The following EDDM13 variants were observed in gnomAD, a reference collection of about 807,000 sequenced individuals.
EDDM13 encodes the protein epididymal protein 13.
Under a neutral mutation model 17.8 loss-of-function variants are expected in EDDM13, and 24 were observed. The ratio of observed to expected loss-of-function variants is 1.35; its 90% CI spans 0.98 to 1.90. EDDM13 has a LOEUF of 1.90. Ranked by LOEUF, EDDM13 falls within the 40% of genes most tolerant of loss-of-function variation. The pLI is 0.00. For synonymous variants in EDDM13, 31 were observed against 37.5 expected, an observed-to-expected ratio of 0.83 and a Z score of 0.63; for missense variants, 97 against 100.8, an observed-to-expected ratio of 0.96 and a Z score of 0.16.
chr19:56,289,335 T>C (rs1386382566), intron 8 of EDDM13, among the ~76,000 whole-genome samples: 1 of 152,152 alleles, frequency 6.6e-6, no homozygotes, highest in African/African-American at 2.4e-5. Flanking sequence ...CCCCATTCAT[T>C]CCTCCAAAGG....
At position 56,284,190 on chromosome 19, in the gene EDDM13, G is replaced by T; in HGVS notation, c.119-8G>T. The T allele has an allele frequency of 1.0e-6, 1 of 985,288 alleles. No homozygotes were observed. Among genetic ancestry groups the T allele is most frequent in the Non-Finnish European group, 1.2e-6 (1 of 829,856 alleles). The allele number at this position is 985,288 out of a possible 1,614,324, so 61.0% of individuals were successfully genotyped here. On this transcript the variant is annotated splice_polypyrimidine_tract_variant and splice_region_variant and intron_variant, in intron 4 of 14. Coordinates refer to ENST00000649256, the MANE Select transcript of EDDM13 (RefSeq NM_001354658.2). ...CCATGCTGACTCTCCTGGATGGGCT[G>T]CCATCAGGGATCATAGGTAAGTACC...
intron 2 of EDDM13, among the ~76,000 whole-genome samples, chr19:56,278,481 G>C (rs1432445696): frequency 3.3e-5 from 5 of 152,218 alleles, no homozygotes; most frequent in Non-Finnish European, 5.9e-5. Context: ...ATCTCACACA[G>C]ATAAGGAGTT....
chr19:56,301,273 G>A (rs555595653), intron 12 of EDDM13, among the ~76,000 whole-genome samples: 1 of 152,250 alleles, frequency 6.6e-6, no homozygotes, highest in South Asian at 2.1e-4. Flanking sequence ...AACAAGGGGT[G>A]GATTATTTAT....
intron 14 of EDDM13, among the ~76,000 whole-genome samples, chr19:56,309,416 T>C (rs1165968570): frequency 6.6e-6 from 1 of 152,238 alleles, no homozygotes; most frequent in Non-Finnish European, 1.5e-5. Flanking sequence ...GGCCACTAAA[T>C]TGTGCCCTTT....
At chr19:56,281,753 AGAAG>A in intron 3 of EDDM13, 55 bp downstream of exon 3, 4 of 971,970 alleles carry the variant, frequency 4.1e-6, no homozygotes, top group Non-Finnish European at 4.9e-6. Flanking sequence ...TTCAACCTAG[AGAAG>A]GAAGGGAATG....
At chr19:56,286,847 A>C (rs1203652557) in intron 6 of EDDM13, among the ~76,000 whole-genome samples, 2 of 152,244 alleles carry the variant, frequency 1.3e-5, no homozygotes, top group Admixed American at 6.5e-5. Context: ...GATGCCCGGC[A>C]GAGCGAATGC....
chr19:56,287,073 A>G (rs1182252927), intron 6 of EDDM13, among the ~76,000 whole-genome samples: 1 of 152,122 alleles, frequency 6.6e-6, no homozygotes, highest in Non-Finnish European at 1.5e-5. Context: ...CACCCCCACC[A>G]TTCCATGGAT....
At chr19:56,308,079 G>T (rs778592802) in intron 14 of EDDM13, among the ~76,000 whole-genome samples, 1 of 152,230 alleles carries the variant, frequency 6.6e-6, no homozygotes, top group African/African-American at 2.4e-5. Context: ...CTGTCGCCAG[G>T]CTGGAGCGCA....
intron 14 of EDDM13, among the ~76,000 whole-genome samples, chr19:56,305,076 T>A (rs2040595463): frequency 6.6e-6 from 1 of 152,132 alleles, no homozygotes; most frequent in Admixed American, 6.5e-5. Context: ...CCTTTATAAA[T>A]TCACTCTATA....
rs967735953 is a variant in EDDM13 at position 56,302,011 on chromosome 19, C to T, written c.339C>T (p.Pro113=). The change falls in exon 13 of 15, where the codon CCC becomes CCT. Residue 113 remains proline, a synonymous_variant. Coordinates refer to ENST00000649256, the MANE Select transcript of EDDM13 (RefSeq NM_001354658.2). ...CCACCCCATCCAGGAAACCACTCCC[C>T]AAGAGGAAGAACACGTGGAACTTCC... ...SGTTPSRKPL[P]KRKNTWNFLK... The T allele has an allele frequency of 9.7e-6, 12 of 1,231,950 alleles. No homozygotes were observed. In the African/African-American group the frequency reaches 1.7e-4, roughly 18 times the overall value. 76.3% of individuals were successfully genotyped at this position (1,231,950 alleles called of 1,614,324 possible).
At chr19:56,275,573 T>C (rs1244034555) in intron 1 of EDDM13, among the ~76,000 whole-genome samples, 1 of 152,108 alleles carries the variant, frequency 6.6e-6, no homozygotes, top group Non-Finnish European at 1.5e-5. Context: ...CTACAAAAAA[T>C]AGTAAGAATA....
chr19:56,289,080 G>A (rs1339188747), intron 8 of EDDM13, among the ~76,000 whole-genome samples, 189 bp downstream of exon 8: 2 of 152,164 alleles, frequency 1.3e-5, no homozygotes, highest in Non-Finnish European at 2.9e-5. Flanking sequence ...GCTGGTAAAT[G>A]TCTAACAACC....
At chr19:56,288,077 G>A (rs537794811) in intron 6 of EDDM13, among the ~76,000 whole-genome samples, 43 of 152,284 alleles carry the variant, frequency 2.8e-4, no homozygotes, top group Non-Finnish European at 4.6e-4. Flanking sequence ...CACGAGGCTG[G>A]TGTGGCAGAG....
chr19:56,309,502 T>C (rs2040897387), intron 14 of EDDM13, among the ~76,000 whole-genome samples: 1 of 152,228 alleles, frequency 6.6e-6, no homozygotes, highest in African/African-American at 2.4e-5. Context: ...AGAAACTTTA[T>C]TAAAAGGGAT....
At chr19:56,306,271 A>G (rs899992522) in intron 14 of EDDM13, among the ~76,000 whole-genome samples, 3 of 152,222 alleles carry the variant, frequency 2.0e-5, no homozygotes, top group Admixed American at 2.0e-4. Flanking sequence ...CGATAGCTGC[A>G]AAGAGGGTCC....
At chr19:56,274,847 G>C (rs2038132271) in intron 1 of EDDM13, 1 of 151,914 alleles carries the variant, frequency 6.6e-6, no homozygotes, top group Admixed American at 6.6e-5. Flanking sequence ...CATCTCCTTT[G>C]GTCTTGTGAT....
chr19:56,299,265 G>A (rs1037252465), intron 12 of EDDM13, among the ~76,000 whole-genome samples: 1 of 151,718 alleles, frequency 6.6e-6, no homozygotes, highest in Non-Finnish European at 1.5e-5. Context: ...CTGAGTAGCT[G>A]GGACCACAGG....
intron 2 of EDDM13, among the ~76,000 whole-genome samples, chr19:56,280,374 C>A (rs1181293304): frequency 1.3e-5 from 2 of 152,074 alleles, no homozygotes; most frequent in African/African-American, 4.8e-5. Flanking sequence ...AGGTTGTTTT[C>A]AGTAGTTTGC....
At chr19:56,287,065 C>T (rs1042513044) in intron 6 of EDDM13, among the ~76,000 whole-genome samples, 1 of 152,198 alleles carries the variant, frequency 6.6e-6, no homozygotes, top group Admixed American at 6.5e-5. Context: ...CTCCTTCCCA[C>T]CCCCACCATT....
Sources: gnomAD v4.1 joint callset for allele counts (sites outside exome capture counted in the v4.1 genomes callset) on GRCh38, gnomAD v4.1.1 for gene constraint, MANE v1.5 for transcripts, NCBI Gene and HGNC (gene_info 2026-07-23, HGNC 2026-07-21) for gene names.